Variants in DUSP15 observed in about 807,000 individuals in gnomAD.
DUSP15 encodes dual specificity protein phosphatase 15.
DUSP15 carries 23 observed loss-of-function variants against 26.3 expected under a neutral mutation model. The observed-to-expected ratio is 0.87, with a 90% CI of 0.63 to 1.24. DUSP15 has a LOEUF of 1.24. Among genes scored for constraint, DUSP15 ranks in the 50% most tolerant of loss-of-function variants. The probability of loss-of-function intolerance (pLI) is 0.00; values close to 1 mark genes in which losing one functional copy is unlikely to be tolerated. For synonymous variants in DUSP15, 143 were observed against 135.5 expected, an observed-to-expected ratio of 1.06 and a Z score of -0.39; for missense variants, 364 against 320.6, an observed-to-expected ratio of 1.14 and a Z score of -1.03.
chr20:31,857,178 G>GT (rs1254531400), downstream of DUSP15, among the ~76,000 whole-genome samples: 4 of 152,050 alleles, frequency 2.6e-5, no homozygotes, highest in African/African-American at 4.8e-5. Flanking sequence ...GGTGACTTTG[G>GT]TGTTTGGGGT....
In DUSP15 at chr20:31,861,587, C is replaced by T. The variant is rs1385325124; in HGVS notation, c.524G>A (p.Cys175Tyr). The change falls in exon 7 of 7, where the codon TGC becomes TAC. Residue 175 changes from cysteine to tyrosine, a missense_variant. By Grantham distance (194) the Cys-to-Tyr change is radical. Coordinates refer to ENST00000339738, the MANE Select transcript of DUSP15 (RefSeq NM_080611.5). ...GGCCGAGGTCGCGGAGCCCTGCCGG[C>T]AGCGCTTGCACAGCGGCAGCAGCGC... ...LRALLPLCKR[C>Y]RQGSATSASS... is the part of the protein sequence containing the mutation. The T allele has an allele frequency of 2.0e-6, 3 of 1,496,586 alleles. No homozygotes were observed. The highest frequency in any genetic ancestry group is 2.7e-6 in the Non-Finnish European group (3 of 1,131,360). 92.7% of individuals were successfully genotyped at this position (1,496,586 alleles called of 1,614,324 possible).
At chr20:31,856,892 G>A (rs938884789), downstream of DUSP15, among the ~76,000 whole-genome samples, 1 of 152,062 alleles carries the variant, frequency 6.6e-6, no homozygotes, top group African/African-American at 2.4e-5. Context: ...GGGGTTGCAG[G>A]GCAGGCAGCA....
At chr20:31,857,195 G>A (rs1260863984), downstream of DUSP15, among the ~76,000 whole-genome samples, 1 of 152,078 alleles carries the variant, frequency 6.6e-6, no homozygotes, top group Admixed American at 6.5e-5. Context: ...GGGTGGTAGT[G>A]TGTGGATGTG....
intron 8 of DUSP15, chr20:31,849,514 G>A (rs376517890): frequency 5.4e-5 from 43 of 795,810 alleles, no homozygotes; most frequent in Non-Finnish European, 8.8e-5. Flanking sequence ...ACGCCACTCT[G>A]TTCCACTCCT....
chr20:31,855,068 C>G (rs1233404376), intron 6 of DUSP15, among the ~76,000 whole-genome samples: 1 of 152,194 alleles, frequency 6.6e-6, no homozygotes, highest in African/African-American at 2.4e-5. Context: ...AGGCATATGA[C>G]AGCTTTCTTG....
downstream of DUSP15, among the ~76,000 whole-genome samples, chr20:31,846,449 AGAGAGAGAGAGAGAGAGAGAGAGAGAG>A (rs1402973545): frequency 2.5e-5 from 2 of 78,956 alleles, no homozygotes; most frequent in African/African-American, 1.8e-4. Context: ...GAATAGAGAG[AGAGAGAGAGAGAGAGAGAGAGAGAGAG>A]GAGAGAGAGG....
chr20:31,867,925 G>A (rs1249806464), intron 2 of DUSP15, among the ~76,000 whole-genome samples: 2 of 151,970 alleles, frequency 1.3e-5, no homozygotes, highest in African/African-American at 2.4e-5. Context: ...GATTACAGGC[G>A]TGAGCCATCG....
chr20:31,853,298 G>A (rs1032386265), intron 6 of DUSP15, among the ~76,000 whole-genome samples: 6 of 152,058 alleles, frequency 3.9e-5, no homozygotes, highest in African/African-American at 1.4e-4. Context: ...AATAAATAGA[G>A]TGATGGGATA....
In DUSP15 at chr20:31,861,126, T is replaced by C. The variant is rs1337361765; in HGVS notation, c.*277A>G. On this transcript the variant is annotated 3_prime_UTR_variant, in exon 7 of 7. Coordinates refer to ENST00000339738, the MANE Select transcript of DUSP15 (RefSeq NM_080611.5). Reference sequence around the variant, plus strand: ...TCCAGGCCCGTCAAACCCTCCACTCTCCCTCCCTCCCCTCCCGCCGCCTTT... The same window carrying C: ...TCCAGGCCCGTCAAACCCTCCACTCCCCCTCCCTCCCCTCCCGCCGCCTTT... 7.6e-6 allele frequency: 10 copies of C among 1,307,310 alleles called. No individual in the cohort carries two copies. Among genetic ancestry groups the C allele is most frequent in the Non-Finnish European group, 9.7e-6 (10 of 1,032,872 alleles). The allele number at this position is 1,307,310 out of a possible 1,614,324, so 81.0% of individuals were successfully genotyped here. A position where few individuals can be genotyped will look rare whatever the true frequency, so the allele number is the denominator to read the frequency against.
downstream of DUSP15, among the ~76,000 whole-genome samples, chr20:31,860,857 G>T (rs573529200): frequency 4.6e-5 from 7 of 152,264 alleles, no homozygotes; most frequent in South Asian, 1.2e-3. Flanking sequence ...CCGTGGCTTT[G>T]GGGGAGGGGA....
chr20:31,860,446 G>A (rs1280551302), downstream of DUSP15, among the ~76,000 whole-genome samples: 2 of 152,224 alleles, frequency 1.3e-5, no homozygotes, highest in East Asian at 3.8e-4. Context: ...GGGCAGCCCT[G>A]GCCTTTAAAG....
intron 9 of DUSP15, chr20:31,848,726 G>T: frequency 6.6e-7 from 1 of 1,506,032 alleles, no homozygotes. Flanking sequence ...GCAGAGCTGG[G>T]ACTGGAGGGA....
At chr20:31,863,762 C>T (rs2062709296) in intron 5 of DUSP15, 145 bp downstream of exon 5, 3 of 772,068 alleles carry the variant, frequency 3.9e-6, no homozygotes, top group Admixed American at 4.9e-5. Context: ...TGGCCTCTCT[C>T]CAGTGAATGG....
At position 31,864,976 on chromosome 20, in the gene DUSP15, G is replaced by A. The variant is rs550883318; in HGVS notation, c.165C>T (p.Val55=). The change falls in exon 4 of 7, where the codon GTC becomes GTT. Residue 55 remains valine, a synonymous_variant. Transcript: ENST00000339738. ...ACATGGGTACCTCAGGGGTATCAGC[G>A]ACCGGGATGCGAAGGTAGGTGATAT... ...LQDITYLRIP[V]ADTPEVPIKK... is the part of the protein sequence containing the mutation. 1.1e-5 allele frequency: 17 copies of A among 1,613,960 alleles called. No individual in the cohort carries two copies. In the South Asian group the frequency reaches 1.5e-4, roughly 15 times the overall value.
chr20:31,852,883 T>C (rs889765624), intron 6 of DUSP15, among the ~76,000 whole-genome samples: 2 of 152,198 alleles, frequency 1.3e-5, no homozygotes, highest in Non-Finnish European at 2.9e-5. Context: ...GTGGCGCTCT[T>C]GTTGAAGGCA....
intron 4 of DUSP15, chr20:31,864,355 G>T: frequency 1.9e-6 from 2 of 1,057,760 alleles, no homozygotes; most frequent in Non-Finnish European, 1.1e-6. Context: ...ACAATGATGG[G>T]CAGCAGCAGG....
At chr20:31,845,632 A>G (rs1600421472), downstream of DUSP15, 3 of 1,489,678 alleles carry the variant, frequency 2.0e-6, no homozygotes, top group East Asian at 6.9e-5. Context: ...GGCTGGTTAA[A>G]AGGTCCACTG....
chr20:31,864,002 G>A (rs753620667), intron 4 of DUSP15, 21 bp from the exon 5 acceptor site: 64 of 1,612,932 alleles, frequency 4.0e-5, no homozygotes, highest in South Asian at 2.0e-4. Flanking sequence ...AAGCAATAGG[G>A]TAGGGAGCAC....
At chr20:31,850,027 G>A (rs1275182436) in intron 7 of DUSP15, among the ~76,000 whole-genome samples, 1 of 152,232 alleles carries the variant, frequency 6.6e-6, no homozygotes, top group African/African-American at 2.4e-5. Flanking sequence ...GTGATGATAA[G>A]AATTCTAGTA....
Sources: gnomAD v4.1 joint callset for allele counts (sites outside exome capture counted in the v4.1 genomes callset) on GRCh38, gnomAD v4.1.1 for gene constraint, MANE v1.5 for transcripts, NCBI Gene and HGNC (gene_info 2026-07-23, HGNC 2026-07-21) for gene names.